Variants in NRG2 observed in about 807,000 individuals in gnomAD.
The protein encoded by NRG2 is pro-neuregulin-2, membrane-bound isoform.
NRG2 carries 27 observed loss-of-function variants against 73.9 expected under a neutral mutation model. That is an observed-to-expected ratio of 0.37 (90% CI 0.27 to 0.50). The LOEUF (loss-of-function observed/expected upper bound fraction) is 0.50, where lower values mean the gene tolerates loss of function less well. NRG2 is among the 20% of genes least tolerant of loss of function. The pLI is 0.96. For missense variants in NRG2, 1,126 were observed against 1,210.1 expected, an observed-to-expected ratio of 0.93 and a Z score of 1.03; for synonymous variants, 532 against 541.0, an observed-to-expected ratio of 0.98 and a Z score of 0.23.
At chr5:139,888,045 T>C (rs1763983358) in intron 1 of NRG2, among the ~76,000 whole-genome samples, 1 of 152,208 alleles carries the variant, frequency 6.6e-6, no homozygotes, top group East Asian at 1.9e-4. Context: ...CCATTCTATT[T>C]CCGCATGCCC....
chr5:139,997,365 T>G (rs1758101122), intron 1 of NRG2, among the ~76,000 whole-genome samples: 1 of 152,172 alleles, frequency 6.6e-6, no homozygotes. Context: ...ACAATCAAAA[T>G]TCTGACTATA....
intron 1 of NRG2, among the ~76,000 whole-genome samples, chr5:139,991,499 G>A (rs1316878543): frequency 2.0e-5 from 3 of 151,566 alleles, no homozygotes; most frequent in East Asian, 1.9e-4. Flanking sequence ...TCACTCGGTC[G>A]CCCAGGCTGG....
intron 1 of NRG2, among the ~76,000 whole-genome samples, chr5:139,888,750 G>A (rs746244736): frequency 3.3e-5 from 5 of 152,226 alleles, no homozygotes; most frequent in East Asian, 1.9e-4. Flanking sequence ...AATGTATGAC[G>A]TAGGCTTACA....
At chr5:139,992,134 T>A (rs1757681179) in intron 1 of NRG2, among the ~76,000 whole-genome samples, 1 of 152,254 alleles carries the variant, frequency 6.6e-6, no homozygotes, top group Non-Finnish European at 1.5e-5. Flanking sequence ...GTTATCTCCC[T>A]TAATTTATTA....
intron 1 of NRG2, among the ~76,000 whole-genome samples, chr5:140,012,907 C>A (rs1331434631): frequency 6.6e-6 from 1 of 152,186 alleles, no homozygotes; most frequent in Non-Finnish European, 1.5e-5. Flanking sequence ...GAGAAATGCA[C>A]ACAATCACCT....
intron 9 of NRG2, among the ~76,000 whole-genome samples, chr5:139,850,437 G>C (rs1037370610): frequency 6.6e-6 from 1 of 152,188 alleles, no homozygotes; most frequent in Non-Finnish European, 1.5e-5. Context: ...ATAGGCTGCT[G>C]TAAGCTTCCT....
chr5:139,980,788 C>A (rs184673488), intron 1 of NRG2, among the ~76,000 whole-genome samples: 8 of 152,316 alleles, frequency 5.3e-5, no homozygotes, highest in Non-Finnish European at 1.0e-4. Flanking sequence ...CTTCTTCCTA[C>A]CACTAATTCT....
chr5:139,917,643 G>A (rs114983302), intron 1 of NRG2, among the ~76,000 whole-genome samples: 2,120 of 152,212 alleles, frequency 0.014, 30 homozygotes, highest in Non-Finnish European at 0.019. Flanking sequence ...CTTCTTTGGG[G>A]AAATGTTTAT....
chr5:139,937,128 A>G (rs1052229464), intron 1 of NRG2, among the ~76,000 whole-genome samples: 1 of 152,168 alleles, frequency 6.6e-6, no homozygotes, highest in Non-Finnish European at 1.5e-5. Flanking sequence ...CAACATTTTG[A>G]AGGATAATAC....
intron 1 of NRG2, among the ~76,000 whole-genome samples, chr5:139,893,763 G>C (rs1764371427): frequency 6.6e-6 from 1 of 152,216 alleles, no homozygotes; most frequent in Non-Finnish European, 1.5e-5. Context: ...GATGTGGGGA[G>C]GTCTCCCTTG....
chr5:139,885,729 GA>G (rs1763820651), intron 2 of NRG2, among the ~76,000 whole-genome samples: 1 of 151,922 alleles, frequency 6.6e-6, no homozygotes, highest in African/African-American at 2.4e-5. Flanking sequence ...TGGTGGGGGG[GA>G]ATGTGCGGGA....
rs543077694 is a variant in NRG2, at chr5:140,034,671, A to G, written c.700+7699T>C. Reference sequence around the variant, plus strand: ...ACATACAAAGTCAATATATGAAACAAAACAAAACAATGATATTTCTACACA... The same window carrying G: ...ACATACAAAGTCAATATATGAAACAGAACAAAACAATGATATTTCTACACA... On this transcript the variant is annotated intron_variant, in intron 1 of 9. Transcript: ENST00000361474. 2.6e-3 allele frequency among the ~76,000 whole-genome samples: 391 copies of G among 152,302 alleles called. 1 individual carries two copies. Among genetic ancestry groups the G allele is most frequent in the Non-Finnish European group, 4.4e-3 (296 of 68,030 alleles).
chr5:139,966,319 C>T (rs930270126), intron 1 of NRG2, among the ~76,000 whole-genome samples: 15 of 152,198 alleles, frequency 9.9e-5, no homozygotes, highest in African/African-American at 2.7e-4. Flanking sequence ...AGCACTTACG[C>T]GACAGGTACT....
At chr5:139,934,633 C>T (rs1269966590) in intron 1 of NRG2, among the ~76,000 whole-genome samples, 1 of 152,138 alleles carries the variant, frequency 6.6e-6, no homozygotes, top group African/African-American at 2.4e-5. Flanking sequence ...TCAGTAATCA[C>T]ATTAAATGCA....
chr5:139,907,230 A>G (rs745656400), intron 1 of NRG2, among the ~76,000 whole-genome samples: 130 of 152,164 alleles, frequency 8.5e-4, no homozygotes, highest in Non-Finnish European at 1.5e-3. Context: ...TGTAGGTCCA[A>G]TGAAGACATT....
chr5:139,863,298 C>T (rs1192088406), intron 5 of NRG2, among the ~76,000 whole-genome samples: 1 of 152,262 alleles, frequency 6.6e-6, no homozygotes. Context: ...ACTACCTTTT[C>T]AGTAATTATC....
In NRG2 at chr5:139,890,755, G is replaced by A. The variant is rs539108982; in HGVS notation, c.701-3244C>T. Reference sequence around the variant, plus strand: ...AAGCAGAAGCTGTGAGTGTGGGTTCGGGTTGTGGGTTCTAAAGGGCTCTTC... The same window carrying A: ...AAGCAGAAGCTGTGAGTGTGGGTTCAGGTTGTGGGTTCTAAAGGGCTCTTC... On this transcript the variant is annotated intron_variant, in intron 1 of 9. Coordinates refer to ENST00000361474, the MANE Select transcript of NRG2 (RefSeq NM_004883.3). Among the ~76,000 whole-genome samples the A allele has an allele frequency of 3.3e-5, 5 of 152,030 alleles. 1 individual carries two copies. Among genetic ancestry groups the A allele is most frequent in the Admixed American group, 1.3e-4 (2 of 15,274 alleles).
chr5:139,964,786 A>G (rs1321585134), intron 1 of NRG2, among the ~76,000 whole-genome samples: 1 of 152,194 alleles, frequency 6.6e-6, no homozygotes, highest in Non-Finnish European at 1.5e-5. Context: ...AGAGAGAGGG[A>G]GGGCCCTTCC....
At chr5:139,986,615 A>G (rs1380841769) in intron 1 of NRG2, among the ~76,000 whole-genome samples, 2 of 152,184 alleles carry the variant, frequency 1.3e-5, no homozygotes, top group African/African-American at 4.8e-5. Context: ...GGCCCCTGGG[A>G]ATATTTCTGG....
Sources: allele counts gnomAD v4.1 joint callset (sites outside exome capture counted in the v4.1 genomes callset), GRCh38; gene constraint gnomAD v4.1.1; transcripts MANE v1.5; gene names NCBI Gene and HGNC (gene_info 2026-07-23, HGNC 2026-07-21).